The following CALB1 variants were observed in gnomAD, a reference collection of about 807,000 sequenced individuals.
CALB1 encodes calbindin 1.
Under a neutral mutation model 46.7 loss-of-function variants are expected in CALB1, and 16 were observed. That is an observed-to-expected ratio of 0.34 (90% CI 0.23 to 0.52). The LOEUF (loss-of-function observed/expected upper bound fraction) is 0.52, where lower values mean the gene tolerates loss of function less well. Among genes scored for constraint, CALB1 ranks in the 20% least tolerant of loss-of-function variants. CALB1 has a pLI of 0.95. For synonymous variants in CALB1, 90 were observed against 112.8 expected (o/e 0.80, Z 1.28); for missense variants, 224 against 300.3 (o/e 0.75, Z 1.88).
chr8:90,059,206 T>G lies in CALB1; in HGVS notation c.*967A>C, dbSNP rs1185364496. The G allele has an allele frequency of 6.6e-6, 1 of 152,582 alleles. No homozygotes were observed. Among genetic ancestry groups the G allele is most frequent in the Non-Finnish European group, 1.5e-5 (1 of 68,018 alleles). 9.5% of individuals were successfully genotyped at this position (152,582 alleles called of 1,614,324 possible). A position where few individuals can be genotyped will look rare whatever the true frequency, so the allele number is the denominator to read the frequency against. ...ACACAAAAGTATTGATGATATAACA[T>G]TCAATAATCAGGATGCTATGAATTT... On this transcript the variant is annotated 3_prime_UTR_variant, in exon 11 of 11. Coordinates refer to ENST00000265431, the MANE Select transcript of CALB1 (RefSeq NM_004929.4).
intron 9 of CALB1, chr8:90,062,310 G>A (rs1814317107): frequency 1.3e-5 from 2 of 151,928 alleles, no homozygotes; most frequent in African/African-American, 4.8e-5. Flanking sequence ...GAAACCATAA[G>A]CAAGGACAAC....
chr8:90,066,873 A>T (rs1814410478), intron 5 of CALB1, among the ~76,000 whole-genome samples: 1 of 152,094 alleles, frequency 6.6e-6, no homozygotes, highest in Non-Finnish European at 1.5e-5. Context: ...CTAGGCAGAT[A>T]CTGTGCCCAG....
In CALB1 at chr8:90,059,965, C is replaced by T. The variant is rs1007552710; in HGVS notation, c.*208G>A. 9 of 465,544 alleles carry T rather than the reference C, an allele frequency of 1.9e-5. 1 individual carries two copies. In the Middle Eastern group the frequency reaches 1.8e-3, roughly 95 times the overall value. 28.8% of individuals were successfully genotyped at this position (465,544 alleles called of 1,614,324 possible). A position where few individuals can be genotyped will look rare whatever the true frequency, so the allele number is the denominator to read the frequency against. ...GTGTACTGACTGGCCTAAGCATAGA[C>T]TTTCTTCTTTTCAATCATATGGTTA... On this transcript the variant is annotated 3_prime_UTR_variant, in exon 11 of 11. Transcript: ENST00000265431.
chr8:90,072,046 T>C (rs761829914), intron 3 of CALB1, among the ~76,000 whole-genome samples: 1 of 152,238 alleles, frequency 6.6e-6, no homozygotes, highest in Admixed American at 6.5e-5. Flanking sequence ...TTGAGTTATT[T>C]TTTGCTTATC....
At chr8:90,066,606 T>G (rs1563676160) in intron 5 of CALB1, among the ~76,000 whole-genome samples, 1 of 152,032 alleles carries the variant, frequency 6.6e-6, no homozygotes, top group Non-Finnish European at 1.5e-5. Flanking sequence ...TGTCATTGAA[T>G]CTTTGAAAGA....
chr8:90,065,938 G>A lies in CALB1; in HGVS notation c.410C>T (p.Thr137Ile). 2 of 1,611,418 alleles carry A rather than the reference G, an allele frequency of 1.2e-6. No individual in the cohort carries two copies. Among genetic ancestry groups the A allele is most frequent in the East Asian group, 2.2e-5 (1 of 44,802 alleles). ...LKDLLEKANK[T>I]VDDTKLAEYT... The stretch of plus-strand genomic sequence containing the variant: ...CTCGGCTAATTTTGTGTCATCAACA[G>A]TCTTGTTTGCTTTTTCTAGCAGGTC... Residue 137 changes from threonine (T) to isoleucine (I), a missense_variant, in exon 6 of 11, where the codon ACT becomes ATT. Transcript: ENST00000265431.
At chr8:90,078,225 T>C (rs1378101578) in intron 3 of CALB1, 148 bp downstream of exon 3, 3 of 502,976 alleles carry the variant, frequency 6.0e-6, no homozygotes, top group Non-Finnish European at 1.0e-5. Flanking sequence ...TTTTTTAACT[T>C]TATACTTCTG....
rs1329544269 is a variant in CALB1 at position 90,082,704 on chromosome 8, G to A, written c.-7C>T. The A allele has an allele frequency of 6.2e-7, 1 of 1,613,588 alleles. No individual in the cohort carries two copies. The highest frequency in any genetic ancestry group is 8.5e-7 in the Non-Finnish European group (1 of 1,179,474). ...GCAGGTGGGATTCTGCCATTGTACA[G>A]CGGGGTGTGTGTCTGGGTGTGTGAA... On this transcript the variant is annotated 5_prime_UTR_variant, in exon 1 of 11. Coordinates refer to ENST00000265431, the MANE Select transcript of CALB1 (RefSeq NM_004929.4).
chr8:90,060,213 C>T lies in CALB1; in HGVS notation c.746G>A (p.Arg249Gln), dbSNP rs776145402. 1.3e-5 allele frequency: 21 copies of T among 1,613,534 alleles called. No homozygotes were observed. Among genetic ancestry groups the T allele is most frequent in the East Asian group, 6.7e-5 (3 of 44,862 alleles). The change falls in exon 11 of 11, where the codon CGA becomes CAA. Residue 249 changes from arginine to glutamine, a missense_variant. Transcript: ENST00000265431. Reference protein sequence around the residue: ...MALSDGGKLYRTDLALILCAG... With the variant: ...MALSDGGKLYQTDLALILCAG... ...ACAGAGAATAAGAGCAAGATCCGTT[C>T]GGTACAGCTTCCCTCCATCCGACAA... is the stretch of plus-strand genomic sequence containing the variant.
rs1287182869 is a variant in CALB1 at position 90,063,262 on chromosome 8, G to T, written c.546+19C>A. 2.7e-5 allele frequency: 43 copies of T among 1,576,124 alleles called. No homozygotes were observed. The highest frequency in any genetic ancestry group is 3.7e-5 in the Non-Finnish European group (43 of 1,147,564). On this transcript the variant is annotated intron_variant, in intron 8 of 10. Coordinates refer to ENST00000265431, the MANE Select transcript of CALB1 (RefSeq NM_004929.4). ...CTTTTCAAGGAAAATATTATTTAAG[G>T]TAGTAAAAAGTTAAGTACCTGGAAT...
At chr8:90,066,984 G>A (rs918405611) in intron 5 of CALB1, among the ~76,000 whole-genome samples, 10 of 152,082 alleles carry the variant, frequency 6.6e-5, no homozygotes, top group Admixed American at 4.6e-4. Flanking sequence ...TTAAAGGAAA[G>A]AGACTCTTTT....
At chr8:90,066,743 A>G (rs993983898) in intron 5 of CALB1, among the ~76,000 whole-genome samples, 7 of 152,116 alleles carry the variant, frequency 4.6e-5, no homozygotes, top group African/African-American at 1.7e-4. Context: ...AAAGCTTTAC[A>G]AAGATTTGCC....
chr8:90,068,420 G>A (rs754013616), intron 5 of CALB1, among the ~76,000 whole-genome samples: 20 of 152,166 alleles, frequency 1.3e-4, no homozygotes, highest in Non-Finnish European at 2.5e-4. Context: ...ATTGCTGAGA[G>A]TCAGTAGGTT....
At chr8:90,078,661 T>C (rs1316238831) in intron 2 of CALB1, among the ~76,000 whole-genome samples, 5 of 152,088 alleles carry the variant, frequency 3.3e-5, no homozygotes, top group Non-Finnish European at 7.4e-5. Flanking sequence ...TATTTCTCAA[T>C]TAATATGATT....
chr8:90,071,548 G>T (rs952486761), intron 3 of CALB1, among the ~76,000 whole-genome samples: 3 of 151,984 alleles, frequency 2.0e-5, no homozygotes, highest in African/African-American at 7.3e-5. Context: ...GGATTCTGAA[G>T]AATATCTCCT....
In CALB1 at chr8:90,082,802, G is replaced by A; in HGVS notation, c.-105C>T. The A allele has an allele frequency of 9.1e-7, 1 of 1,094,464 alleles. No individual in the cohort carries two copies. The highest frequency in any genetic ancestry group is 1.7e-5 in the Admixed American group (1 of 58,098). The allele number at this position is 1,094,464 out of a possible 1,614,324, so 67.8% of individuals were successfully genotyped here. On this transcript the variant is annotated 5_prime_UTR_variant, in exon 1 of 11. Transcript: ENST00000265431. ...CGTGTGCGCGAGTCAGGGCTGCGGA[G>A]GGAGACCTGGGCGCGGGCGCTGCCG...
chr8:90,076,901 C>T (rs1311912323), intron 3 of CALB1, among the ~76,000 whole-genome samples: 3 of 151,892 alleles, frequency 2.0e-5, no homozygotes, highest in Admixed American at 2.0e-4. Context: ...ATGCCTTTTA[C>T]TGCACAATCT....
At chr8:90,072,184 AC>A (rs1194943565) in intron 3 of CALB1, among the ~76,000 whole-genome samples, 50 of 151,628 alleles carry the variant, frequency 3.3e-4, no homozygotes, top group Non-Finnish European at 2.1e-4. Context: ...ACAGAAAAAA[AC>A]AAATGAATGA....
intron 3 of CALB1, among the ~76,000 whole-genome samples, chr8:90,073,676 G>A (rs142006217): frequency 4.1e-4 from 62 of 152,222 alleles, no homozygotes; most frequent in African/African-American, 1.4e-3. Context: ...TATTTCTAGC[G>A]TAATACAGAG....
Sources: gnomAD v4.1 joint callset for allele counts (sites outside exome capture counted in the v4.1 genomes callset) on GRCh38, gnomAD v4.1.1 for gene constraint, MANE v1.5 for transcripts, NCBI Gene and HGNC (gene_info 2026-07-23, HGNC 2026-07-21) for gene names.